KIRREL3: variants seen among roughly 807,000 people sequenced by gnomAD.
KIRREL3 encodes the protein kin of IRRE-like protein 3.
A neutral mutation model predicts 89.7 loss-of-function variants in KIRREL3; 36 were observed. That is an observed-to-expected ratio of 0.40 (90% CI 0.31 to 0.53). KIRREL3 has a LOEUF of 0.53. KIRREL3 is among the 20% of genes least tolerant of loss of function. The pLI, the probability that KIRREL3 is intolerant of heterozygous loss-of-function variation, is 0.49. For synonymous variants in KIRREL3, 445 were observed against 441.4 expected (o/e 1.01, Z -0.10); for missense variants, 864 against 1,056.6 (o/e 0.82, Z 2.53).
At chr11:126,964,868 T>G (rs1400744021) in intron 1 of KIRREL3, among the ~76,000 whole-genome samples, 1 of 152,002 alleles carries the variant, frequency 6.6e-6, no homozygotes, top group Non-Finnish European at 1.5e-5. Context: ...CTGTATAGAG[T>G]AGACTCAGTT....
intron 1 of KIRREL3, among the ~76,000 whole-genome samples, chr11:126,863,521 G>C (rs996800630): frequency 5.3e-5 from 8 of 150,278 alleles, no homozygotes; most frequent in African/African-American, 2.0e-4. Context: ...GTGTGTTTGA[G>C]TGCGTGTGTG....
intron 1 of KIRREL3, among the ~76,000 whole-genome samples, chr11:126,895,629 C>T (rs1488731033): frequency 6.6e-6 from 1 of 152,078 alleles, no homozygotes; most frequent in African/African-American, 2.4e-5. Flanking sequence ...GAGAGGGAGA[C>T]ATTAGTTCTA....
In KIRREL3 at chr11:126,569,059, A is replaced by G. The variant is rs181833797; in HGVS notation, c.56-6147T>C. On this transcript the variant is annotated intron_variant, in intron 1 of 16. Transcript: ENST00000525144. This position sits in a 1 kb window ranked among gnomAD's most constrained non-coding sequence, Gnocchi z 6.5. ...ATGGAGAGGAAATGATGAATCAGAG[A>G]CATTCCAAGAAGAGACAGTGGTGCT... 2.0e-5 allele frequency among the ~76,000 whole-genome samples: 3 copies of G among 152,208 alleles called. No individual in the cohort carries two copies. Among genetic ancestry groups the G allele is most frequent in the Admixed American group, 1.3e-4 (2 of 15,292 alleles).
chr11:126,789,528 C>T (rs1950575277), intron 1 of KIRREL3, among the ~76,000 whole-genome samples: 1 of 152,204 alleles, frequency 6.6e-6, no homozygotes, highest in Non-Finnish European at 1.5e-5. Flanking sequence ...TTCACCTTCT[C>T]TCATTCACTC....
rs1454956657 is a variant in KIRREL3 at position 126,655,204 on chromosome 11, T to G, written c.56-92292A>C. Among the ~76,000 whole-genome samples the G allele has an allele frequency of 6.6e-6, 1 of 152,202 alleles. No homozygotes were observed. Among genetic ancestry groups the G allele is most frequent in the Non-Finnish European group, 1.5e-5 (1 of 68,030 alleles). On this transcript the variant is annotated intron_variant, in intron 1 of 16. Transcript: ENST00000525144. The surrounding 1 kb of genome is among the most constrained non-coding windows in gnomAD (Gnocchi z 5.0). ...GGAAAGGGGTAAGAAAGGAGATTAG[T>G]CACTTGAGTCAGGATAATTTTTCCT... is the stretch of plus-strand genomic sequence containing the variant.
rs35233054 is a variant in KIRREL3 at position 126,842,949 on chromosome 11, A to ATT, written c.55+157504_55+157505dup. Among the ~76,000 whole-genome samples the ATT allele has an allele frequency of 1.3e-3, 194 of 150,174 alleles. 3 individuals carry two copies. Among genetic ancestry groups the ATT allele is most frequent in the Middle Eastern group, 6.9e-3 (2 of 288 alleles). ...AGTTCAGAAGGACCAAGCATCACAG[A>ATT]TTTTTTTTTTTCTTTCTGTAAATGC... On this transcript the variant is annotated intron_variant, in intron 1 of 16. Transcript: ENST00000525144.
rs1948945281 is a variant in KIRREL3 at position 126,740,511 on chromosome 11, C to T, written c.56-177599G>A. 6.6e-6 allele frequency among the ~76,000 whole-genome samples: 1 copy of T among 152,064 alleles called. No homozygotes were observed. The highest frequency in any genetic ancestry group is 2.1e-4 in the South Asian group (1 of 4,810). On this transcript the variant is annotated intron_variant, in intron 1 of 16. Coordinates refer to ENST00000525144, the MANE Select transcript of KIRREL3 (RefSeq NM_032531.4). The surrounding 1 kb of genome is among the most constrained non-coding windows in gnomAD (Gnocchi z 6.0). ...CACAAAAGCCCCCCACTCACAGATCCCTCTCCTACCCAGGAGACATGTTCC... is the reference window on the plus strand; with the variant it reads ...CACAAAAGCCCCCCACTCACAGATCTCTCTCCTACCCAGGAGACATGTTCC...
Position 126,525,946 on chromosome 11 carries a change from C to G in KIRREL3, c.283+592G>C, listed in dbSNP as rs1373455327. ...AGTTCACGTGTCAGCCATCAACAAC[C>G]ATGGGAACTCTCACTGCCTGTCCCA... On this transcript the variant is annotated intron_variant, in intron 3 of 16. Coordinates refer to ENST00000525144, the MANE Select transcript of KIRREL3 (RefSeq NM_032531.4). The surrounding 1 kb of genome is among the most constrained non-coding windows in gnomAD (Gnocchi z 5.4). 6.6e-6 allele frequency among the ~76,000 whole-genome samples: 1 copy of G among 152,216 alleles called. No homozygotes were observed.
Position 126,668,072 on chromosome 11 carries a change from T to G in KIRREL3, c.56-105160A>C, listed in dbSNP as rs1029348413. ...AGGGGTTGATAGCTGAGCCCCTGTG[T>G]CTTAGTCAGTTTCGGCTATAACAAA... is the stretch of plus-strand genomic sequence containing the variant. On this transcript the variant is annotated intron_variant, in intron 1 of 16. Transcript: ENST00000525144. The surrounding 1 kb of genome is among the most constrained non-coding windows in gnomAD (Gnocchi z 4.4). 2.6e-5 allele frequency among the ~76,000 whole-genome samples: 4 copies of G among 152,198 alleles called. No individual in the cohort carries two copies. The highest frequency in any genetic ancestry group is 4.4e-5 in the Non-Finnish European group (3 of 68,036).
chr11:126,645,411 G>A lies in KIRREL3; in HGVS notation c.56-82499C>T, dbSNP rs1050058984. 8.5e-5 allele frequency among the ~76,000 whole-genome samples: 13 copies of A among 152,154 alleles called. No individual in the cohort carries two copies. The highest frequency in any genetic ancestry group is 1.9e-4 in the African/African-American group (8 of 41,436). ...TCTCCTTCCACCGTGAGCCATTTGA[G>A]GGCAGAGACCAGACCATCTCCGCAG... On this transcript the variant is annotated intron_variant, in intron 1 of 16. Transcript: ENST00000525144. The surrounding 1 kb of genome is among the most constrained non-coding windows in gnomAD (Gnocchi z 4.9).
intron 1 of KIRREL3, among the ~76,000 whole-genome samples, chr11:126,895,796 G>A (rs1012018308): frequency 6.6e-6 from 1 of 152,100 alleles, no homozygotes; most frequent in Admixed American, 6.5e-5. Flanking sequence ...CTGCTGTCCT[G>A]AGCCTGGTTC....
Position 126,976,028 on chromosome 11 carries a change from A to G in KIRREL3, c.55+24427T>C, listed in dbSNP as rs2135231632. On this transcript the variant is annotated intron_variant, in intron 1 of 16. Transcript: ENST00000525144. This position sits in a 1 kb window ranked among gnomAD's most constrained non-coding sequence, Gnocchi z 4.2. The stretch of plus-strand genomic sequence containing the variant: ...TAAGGTGTGGCTCTCAGGACAGAGC[A>G]TACCCATTCCAGATGTGGGTCACAT... 6.6e-6 allele frequency among the ~76,000 whole-genome samples: 1 copy of G among 151,098 alleles called. No individual in the cohort carries two copies. Among genetic ancestry groups the G allele is most frequent in the African/African-American group, 2.4e-5 (1 of 41,048 alleles).
In KIRREL3 at chr11:126,772,640, T is replaced by C. The variant is rs1447212506; in HGVS notation, c.56-209728A>G. 6.6e-6 allele frequency among the ~76,000 whole-genome samples: 1 copy of C among 152,136 alleles called. No individual in the cohort carries two copies. The highest frequency in any genetic ancestry group is 2.4e-5 in the African/African-American group (1 of 41,424). ...GTGACAAGTTGCTAACTCATGTTTG[T>C]CAAAAAGCATCCCTCTCCTGGTACT... On this transcript the variant is annotated intron_variant, in intron 1 of 16. Transcript: ENST00000525144. The surrounding 1 kb of genome is among the most constrained non-coding windows in gnomAD (Gnocchi z 4.6).
intron 5 of KIRREL3, among the ~76,000 whole-genome samples, chr11:126,466,354 T>C (rs1956725922): frequency 1.3e-5 from 2 of 152,220 alleles, no homozygotes; most frequent in African/African-American, 4.8e-5. Flanking sequence ...CAGCACCTCC[T>C]GGGCCCCTAG....
At chr11:126,616,163 G>A (rs1252809141) in intron 1 of KIRREL3, among the ~76,000 whole-genome samples, 3 of 152,202 alleles carry the variant, frequency 2.0e-5, no homozygotes, top group Non-Finnish European at 2.9e-5. Flanking sequence ...TAAAGGCACA[G>A]AAAGAAATGC....
rs1302235734 is a variant in KIRREL3, at chr11:126,432,038, C to T, written c.1589-512G>A. On this transcript the variant is annotated intron_variant, in intron 13 of 16. Coordinates refer to ENST00000525144, the MANE Select transcript of KIRREL3 (RefSeq NM_032531.4). The surrounding 1 kb of genome is among the most constrained non-coding windows in gnomAD (Gnocchi z 6.2). ...GAGGACATCCGGCTCTTAGTGTTTG[C>T]AGGTCTAAGTAGCTTCCCCGCAGGT... is the stretch of plus-strand genomic sequence containing the variant. 6.6e-6 allele frequency among the ~76,000 whole-genome samples: 1 copy of T among 152,142 alleles called. No individual in the cohort carries two copies. The highest frequency in any genetic ancestry group is 2.4e-5 in the African/African-American group (1 of 41,422).
rs113680234 is a variant in KIRREL3 at position 126,565,053 on chromosome 11, A to C, written c.56-2141T>G. Among the ~76,000 whole-genome samples the C allele has an allele frequency of 1.5e-3, 236 of 152,306 alleles. 2 individuals are homozygous for C. The highest frequency in any genetic ancestry group is 5.4e-3 in the African/African-American group (225 of 41,574). On this transcript the variant is annotated intron_variant, in intron 1 of 16. Transcript: ENST00000525144. This position sits in a 1 kb window ranked among gnomAD's most constrained non-coding sequence, Gnocchi z 5.4. The stretch of plus-strand genomic sequence containing the variant: ...GAGTTTGGGCTCCTGGACTAAGCCC[A>C]AACTCAATCCAGGAGCTTGGGAGGG...
Position 126,496,744 on chromosome 11 carries a change from G to A in KIRREL3, c.434-23278C>T, listed in dbSNP as rs1957666633. On this transcript the variant is annotated intron_variant, in intron 4 of 16. Coordinates refer to ENST00000525144, the MANE Select transcript of KIRREL3 (RefSeq NM_032531.4). The surrounding 1 kb of genome is among the most constrained non-coding windows in gnomAD (Gnocchi z 4.9). The stretch of plus-strand genomic sequence containing the variant: ...CAGAAATGTTGGAGGGCCTGCGTGC[G>A]AACTCAAGGCCTGAGGCTGTAGGCA... Among the ~76,000 whole-genome samples the A allele has an allele frequency of 6.6e-6, 1 of 151,932 alleles. No individual in the cohort carries two copies. The highest frequency in any genetic ancestry group is 1.5e-5 in the Non-Finnish European group (1 of 68,030).
chr11:126,815,044 A>G (rs532965192), intron 1 of KIRREL3, among the ~76,000 whole-genome samples: 51 of 152,280 alleles, frequency 3.3e-4, no homozygotes, highest in African/African-American at 1.1e-3. Flanking sequence ...AGAACACCTA[A>G]ACCTGTTGAT....
Sources: allele counts gnomAD v4.1 joint callset (sites outside exome capture counted in the v4.1 genomes callset), GRCh38; gene constraint gnomAD v4.1.1; non-coding constraint Gnocchi (gnomAD v3.1); transcripts MANE v1.5; gene names NCBI Gene and HGNC (gene_info 2026-07-23, HGNC 2026-07-21).